PRDM14: variants seen among roughly 807,000 people sequenced by gnomAD.
The protein encoded by PRDM14 is PR/SET domain 14.
Under a neutral mutation model 48.0 loss-of-function variants are expected in PRDM14, and 16 were observed. The ratio of observed to expected loss-of-function variants is 0.33; its 90% CI spans 0.23 to 0.51. The LOEUF (loss-of-function observed/expected upper bound fraction) is 0.51, where lower values mean the gene tolerates loss of function less well. PRDM14 is among the 20% of genes least tolerant of loss of function. The pLI is 0.97. For synonymous variants in PRDM14, 264 were observed against 276.6 expected (o/e 0.95, Z 0.45); for missense variants, 566 against 719.6 (o/e 0.79, Z 2.44).
Position 70,066,443 on chromosome 8 carries a change from C to T in PRDM14, c.975G>A (p.Met325Ile). 6.2e-7 allele frequency: 1 copy of T among 1,614,108 alleles called. No individual in the cohort carries two copies. Among genetic ancestry groups the T allele is most frequent in the East Asian group, 2.2e-5 (1 of 44,882 alleles). ...IDGKGGTGNW[M>I]SYVNCARFPK... is the part of the protein sequence containing the mutation. ...GGAAGCGGGCACAGTTGACATAGGA[C>T]ATCCAGTTCCCCGTACCTCCTTTTC... Residue 325 changes from methionine to isoleucine, a missense_variant, in exon 5 of 8, where the codon ATG (methionine) becomes ATA (isoleucine). By Grantham distance (10) the Met-to-Ile change is conservative. This residue lies in a region of PRDM14 where 410 missense variants were observed against 424.6 expected (regional missense o/e 0.97). Coordinates refer to ENST00000276594, the MANE Select transcript of PRDM14 (RefSeq NM_024504.4).
intron 6 of PRDM14, 109 bp from the exon 7 acceptor site, chr8:70,055,510 T>A: frequency 1.3e-5 from 1 of 77,550 alleles, no homozygotes; most frequent in Middle Eastern, 4.9e-3. Flanking sequence ...AATTTTTTTC[T>A]TTTTTTTTTT....
At chr8:70,067,659 T>G (rs1805693908) in intron 4 of PRDM14, among the ~76,000 whole-genome samples, 1 of 152,220 alleles carries the variant, frequency 6.6e-6, no homozygotes, top group African/African-American at 2.4e-5. Context: ...TCAGATTATT[T>G]TCCTGTACTA....
intron 5 of PRDM14, among the ~76,000 whole-genome samples, chr8:70,063,127 T>TAA (rs1408145462): frequency 6.6e-6 from 1 of 152,112 alleles, no homozygotes; most frequent in Non-Finnish European, 1.5e-5. Context: ...ATTTGATACA[T>TAA]ACGGTGAAAA....
intron 5 of PRDM14, 104 bp downstream of exon 5, chr8:70,066,131 A>G: frequency 7.7e-7 from 1 of 1,294,250 alleles, no homozygotes; most frequent in Non-Finnish European, 1.1e-6. Flanking sequence ...AGTCCTCTGC[A>G]TTAGCCTTTA....
chr8:70,052,105 G>C lies in PRDM14; in HGVS notation c.1688C>G (p.Ser563Cys), dbSNP rs1439489948. 4 of 1,610,432 alleles carry C rather than the reference G, an allele frequency of 2.5e-6. No homozygotes were observed. The highest frequency in any genetic ancestry group is 3.4e-6 in the Non-Finnish European group (4 of 1,178,520). Reference protein sequence around the residue: ...KIFSDQETFYSHMKFHEDY With the variant: ...KIFSDQETFYCHMKFHEDY ...GTAGTCTTCATGAAACTTCATGTGG[G>C]AGTAGAATGTTTCTTGATCTGAGAA... Residue 563 changes from serine (S) to cysteine (C), a missense_variant, in exon 8 of 8, where the codon TCC (serine) becomes TGC (cysteine). Ser to Cys is a moderately radical substitution (Grantham distance 112, BLOSUM62 -1). Around this residue, in one of 3 missense-constraint regions of PRDM14, gnomAD observed 30 missense variants for 23.4 expected, o/e 1.28. Transcript: ENST00000276594.
chr8:70,057,277 G>C (rs915752640), intron 6 of PRDM14, among the ~76,000 whole-genome samples: 1 of 149,092 alleles, frequency 6.7e-6, no homozygotes, highest in East Asian at 2.0e-4. Context: ...ATTTCAAAGA[G>C]AGCAAGCATT....
intron 6 of PRDM14, among the ~76,000 whole-genome samples, chr8:70,058,394 A>T (rs1175875758): frequency 6.6e-6 from 1 of 152,210 alleles, no homozygotes; most frequent in Non-Finnish European, 1.5e-5. Context: ...CCACGTGTCC[A>T]GGTGGCCGTG....
intron 2 of PRDM14, among the ~76,000 whole-genome samples, chr8:70,068,758 G>A (rs966223696): frequency 1.3e-5 from 2 of 152,160 alleles, no homozygotes; most frequent in African/African-American, 4.8e-5. Flanking sequence ...CAGCCTCATG[G>A]AAGTTTATGT....
chr8:70,065,773 T>C (rs1340574163), intron 5 of PRDM14, among the ~76,000 whole-genome samples: 1 of 147,896 alleles, frequency 6.8e-6, no homozygotes, highest in Non-Finnish European at 1.5e-5. Context: ...TTCTACTCTA[T>C]ACTTTTTTTT....
chr8:70,054,404 G>T (rs1805437167), intron 7 of PRDM14, among the ~76,000 whole-genome samples: 1 of 152,090 alleles, frequency 6.6e-6, no homozygotes, highest in East Asian at 1.9e-4. Flanking sequence ...TTATCAATGT[G>T]GAAACTAACA....
intron 3 of PRDM14, 38 bp downstream of exon 3, chr8:70,068,441 G>T: frequency 6.2e-7 from 1 of 1,613,904 alleles, no homozygotes; most frequent in Non-Finnish European, 8.5e-7. Flanking sequence ...CTCTGCATTA[G>T]TTCAGGGAAA....
chr8:70,065,215 C>G (rs1208802478), intron 5 of PRDM14, among the ~76,000 whole-genome samples: 1 of 151,914 alleles, frequency 6.6e-6, no homozygotes, highest in Admixed American at 6.6e-5. Flanking sequence ...GTTGGCCAGG[C>G]TAGTCTTGAA....
intron 7 of PRDM14, among the ~76,000 whole-genome samples, chr8:70,054,154 T>A (rs1805433791): frequency 6.6e-6 from 1 of 152,224 alleles, no homozygotes; most frequent in Admixed American, 6.5e-5. Flanking sequence ...TATAGCAACC[T>A]CTAACCACAT....
chr8:70,051,792 G>T lies in PRDM14; in HGVS notation c.*285C>A. 1 of 192,672 alleles carries T rather than the reference G, an allele frequency of 5.2e-6. No individual in the cohort carries two copies. Among genetic ancestry groups the T allele is most frequent in the South Asian group, 1.2e-4 (1 of 8,600 alleles). 11.9% of individuals were successfully genotyped at this position (192,672 alleles called of 1,614,324 possible). A position where few individuals can be genotyped will look rare whatever the true frequency, so the allele number is the denominator to read the frequency against. On this transcript the variant is annotated 3_prime_UTR_variant, in exon 8 of 8. Coordinates refer to ENST00000276594, the MANE Select transcript of PRDM14 (RefSeq NM_024504.4). ...TTTTTTTTGTTTTGTTTTGTTTTGA[G>T]ACAGGGTCTGGTTCTGTCACCCAGG...
At chr8:70,056,816 C>CAAA (rs761330044) in intron 6 of PRDM14, among the ~76,000 whole-genome samples, 1,391 of 75,186 alleles carry the variant, frequency 0.019, 63 homozygotes, top group African/African-American at 0.061. Context: ...GAGACTGTCT[C>CAAA]AAAAAAAAAA....
At chr8:70,066,648 A>C in intron 4 of PRDM14, 143 bp from the exon 5 acceptor site, 1 of 686,098 alleles carries the variant, frequency 1.5e-6, no homozygotes, top group Middle Eastern at 4.1e-4. Context: ...ATGTCATTAC[A>C]AGTAGTTTAT....
At chr8:70,055,277 C>T (rs1433836462) in intron 7 of PRDM14, 23 bp downstream of exon 7, 1 of 1,338,530 alleles carries the variant, frequency 7.5e-7, no homozygotes. Flanking sequence ...AGGACACATC[C>T]CTTAGTAAGA....
At chr8:70,059,520 T>C (rs191371504) in intron 5 of PRDM14, among the ~76,000 whole-genome samples, 34 of 152,198 alleles carry the variant, frequency 2.2e-4, no homozygotes, top group African/African-American at 7.2e-4. Flanking sequence ...TCCACCTGCC[T>C]CGGCCTCCCA....
intron 5 of PRDM14, among the ~76,000 whole-genome samples, chr8:70,063,151 T>C (rs1805613510): frequency 1.3e-5 from 2 of 152,228 alleles, no homozygotes; most frequent in South Asian, 4.2e-4. Flanking sequence ...TTCTCAAAAA[T>C]GGCCGGCCAT....
Sources: allele counts gnomAD v4.1 joint callset (sites outside exome capture counted in the v4.1 genomes callset), GRCh38; gene constraint gnomAD v4.1.1; regional missense constraint gnomAD v4.1.1; transcripts MANE v1.5; gene names NCBI Gene and HGNC (gene_info 2026-07-23, HGNC 2026-07-21).